The following CUX2 variants were observed in gnomAD, a reference collection of about 807,000 sequenced individuals.
CUX2 encodes homeobox protein cut-like 2.
A neutral mutation model predicts 144.8 loss-of-function variants in CUX2; 40 were observed. That is an observed-to-expected ratio of 0.28 (90% confidence interval 0.21 to 0.36). The LOEUF (loss-of-function observed/expected upper bound fraction) is 0.36, where lower values mean the gene tolerates loss of function less well. CUX2 is among the 10% of genes least tolerant of loss of function. The pLI is 1.00. For missense variants in CUX2, 1,615 were observed against 1,994.0 expected, an observed-to-expected ratio of 0.81 and a Z score of 3.62; for synonymous variants, 827 against 875.6, an observed-to-expected ratio of 0.94 and a Z score of 0.98.
intron 5 of CUX2, 89 bp downstream of exon 5, chr12:111,291,641 G>T (rs1565895859): frequency 7.1e-7 from 1 of 1,410,600 alleles, no homozygotes; most frequent in African/African-American, 1.5e-5. Context: ...GTTGCGGGGT[G>T]GCTGGGGCAG....
At chr12:111,202,107 G>C (rs115835749) in intron 1 of CUX2, among the ~76,000 whole-genome samples, 612 of 152,346 alleles carry the variant, frequency 4.0e-3, no homozygotes, top group African/African-American at 0.014. Context: ...TAGGTGCTCA[G>C]TAAACATTCA....
chr12:111,321,067 C>T (rs1414282413), intron 17 of CUX2, among the ~76,000 whole-genome samples: 1 of 152,184 alleles, frequency 6.6e-6, no homozygotes, highest in African/African-American at 2.4e-5. Context: ...CTTGGTGGCT[C>T]ACGCCTGTAA....
chr12:111,034,278 G>T lies in CUX2; in HGVS notation c.63+38G>T. 7.8e-7 allele frequency: 1 copy of T among 1,274,784 alleles called. No homozygotes were observed. Among genetic ancestry groups the T allele is most frequent in the Non-Finnish European group, 1.0e-6 (1 of 974,820 alleles). The allele number at this position is 1,274,784 out of a possible 1,614,324, so 79.0% of individuals were successfully genotyped here. On this transcript the variant is annotated intron_variant, in intron 1 of 21. Coordinates refer to ENST00000261726, the MANE Select transcript of CUX2 (RefSeq NM_015267.4). The surrounding 1 kb of genome is among the most constrained non-coding windows in gnomAD (Gnocchi z 4.2). ...AGCGCCGGCCGCGCGGCCGTGAGGA[G>T]CCCCCGGGCGCGCCCTGGGCGCATT...
At chr12:111,151,217 C>T (rs893803714) in intron 1 of CUX2, among the ~76,000 whole-genome samples, 6 of 152,044 alleles carry the variant, frequency 3.9e-5, no homozygotes, top group African/African-American at 9.7e-5. Flanking sequence ...TCAGCTATTC[C>T]GGTTTCATGG....
chr12:111,099,424 TCTTC>T (rs1451701754), intron 1 of CUX2: 4 of 398,384 alleles, frequency 1.0e-5, no homozygotes, highest in Non-Finnish European at 2.0e-5. Context: ...TGGTTTCTCT[TCTTC>T]CTTCATTTCT....
chr12:111,176,183 C>G (rs1310794467), intron 1 of CUX2, among the ~76,000 whole-genome samples: 1 of 151,610 alleles, frequency 6.6e-6, no homozygotes, highest in Non-Finnish European at 1.5e-5. Context: ...TCTTGAGTAC[C>G]TGGGAACACA....
At chr12:111,081,165 A>T (rs974855809) in intron 1 of CUX2, among the ~76,000 whole-genome samples, 3 of 152,040 alleles carry the variant, frequency 2.0e-5, no homozygotes, top group African/African-American at 7.2e-5. Context: ...GGGAGGATTG[A>T]TCTTTTTGTT....
intron 1 of CUX2, among the ~76,000 whole-genome samples, chr12:111,115,152 C>T (rs1400543711): frequency 6.6e-6 from 1 of 151,892 alleles, no homozygotes; most frequent in African/African-American, 2.4e-5. Flanking sequence ...TATTCTGTGT[C>T]CTTTTAATTT....
chr12:111,336,275 G>T (rs1055499250), intron 19 of CUX2, among the ~76,000 whole-genome samples: 1 of 152,106 alleles, frequency 6.6e-6, no homozygotes, highest in Non-Finnish European at 1.5e-5. Context: ...CCAGAGGGAT[G>T]TATGCAAACC....
At chr12:111,055,698 C>T (rs1394590652) in intron 1 of CUX2, among the ~76,000 whole-genome samples, 1 of 152,176 alleles carries the variant, frequency 6.6e-6, no homozygotes, top group African/African-American at 2.4e-5. Flanking sequence ...GGAGCTTGCC[C>T]GACTGCCCCA....
At chr12:111,154,704 C>T (rs921135122) in intron 1 of CUX2, among the ~76,000 whole-genome samples, 3 of 152,106 alleles carry the variant, frequency 2.0e-5, no homozygotes, top group African/African-American at 7.2e-5. Flanking sequence ...AGAGAGGCAA[C>T]GGTCTTGCAA....
intron 1 of CUX2, among the ~76,000 whole-genome samples, chr12:111,198,782 T>A (rs1880396882): frequency 6.6e-6 from 1 of 152,170 alleles, no homozygotes; most frequent in African/African-American, 2.4e-5. Context: ...GTACTGCACA[T>A]GCAAATGCCC....
chr12:111,295,345 A>T lies in CUX2; in HGVS notation c.573A>T (p.Glu191Asp), dbSNP rs370570178. ...NEAEKQKGLQ[E>D]VQITLAARLG... ...CGTCTCTCCGCAGGGGCCTTCAAGA[A>T]GTACAGATCACTTTGGCGGCCAGAC... Residue 191 changes from glutamate (E) to aspartate (D), a missense_variant, in exon 7 of 22, where the codon GAA becomes GAT. Glu to Asp is a conservative substitution (Grantham distance 45). This residue lies in a region of CUX2 where 295 missense variants were observed against 400.2 expected (regional missense o/e 0.74). Transcript: ENST00000261726. This position sits in a 1 kb window ranked among gnomAD's most constrained non-coding sequence, Gnocchi z 5.0. The T allele has an allele frequency of 4.7e-5, 75 of 1,612,854 alleles. No individual in the cohort carries two copies. The highest frequency in any genetic ancestry group is 6.0e-5 in the Non-Finnish European group (71 of 1,179,594).
At chr12:111,072,802 A>T (rs1871304457) in intron 1 of CUX2, among the ~76,000 whole-genome samples, 1 of 151,924 alleles carries the variant, frequency 6.6e-6, no homozygotes, top group Non-Finnish European at 1.5e-5. Context: ...GAGGGCAGGG[A>T]CCCCTCCCCC....
chr12:111,247,265 G>A (rs1883323252), intron 3 of CUX2, among the ~76,000 whole-genome samples: 1 of 152,162 alleles, frequency 6.6e-6, no homozygotes, highest in Admixed American at 6.5e-5. Flanking sequence ...GACAGTGGAG[G>A]GCATGCATGC....
At chr12:111,328,982 T>TCTCCCCCC (rs1887964205) in intron 18 of CUX2, among the ~76,000 whole-genome samples, 1 of 78,240 alleles carries the variant, frequency 1.3e-5, no homozygotes, top group African/African-American at 7.7e-5. Context: ...TCTCCCCCTC[T>TCTCCCCCC]CTCCCTCTCT....
At chr12:111,188,644 G>A (rs1047384735) in intron 1 of CUX2, among the ~76,000 whole-genome samples, 1 of 152,120 alleles carries the variant, frequency 6.6e-6, no homozygotes, top group Non-Finnish European at 1.5e-5. Context: ...GAGAGCGGGG[G>A]GGAAAGGAGG....
intron 1 of CUX2, among the ~76,000 whole-genome samples, chr12:111,130,591 G>A (rs1279437994): frequency 1.3e-5 from 2 of 152,190 alleles, no homozygotes; most frequent in African/African-American, 4.8e-5. Flanking sequence ...AAGGATGATG[G>A]GGCTCCCCCA....
intron 3 of CUX2, among the ~76,000 whole-genome samples, chr12:111,219,155 A>G (rs1881709122): frequency 2.6e-5 from 4 of 152,174 alleles, no homozygotes; most frequent in Admixed American, 2.6e-4. Context: ...ATAAGCACAT[A>G]AGGCAATATT....
Sources: allele counts gnomAD v4.1 joint callset (sites outside exome capture counted in the v4.1 genomes callset), GRCh38; gene constraint gnomAD v4.1.1; regional missense constraint gnomAD v4.1.1; non-coding constraint Gnocchi (gnomAD v3.1); transcripts MANE v1.5; gene names NCBI Gene and HGNC (gene_info 2026-07-23, HGNC 2026-07-21).